Variants in NTM observed in about 807,000 individuals in gnomAD.
NTM encodes IgLON family member 2.
A neutral mutation model predicts 42.1 loss-of-function variants in NTM; 13 were observed. The observed-to-expected ratio is 0.31, with a 90% CI of 0.20 to 0.49. The LOEUF (loss-of-function observed/expected upper bound fraction) is 0.49, where lower values mean the gene tolerates loss of function less well. NTM is among the 20% of genes least tolerant of loss of function. NTM has a pLI of 0.99. For synonymous variants in NTM, 187 were observed against 179.2 expected, an observed-to-expected ratio of 1.04 and a Z score of -0.35; for missense variants, 373 against 452.8, an observed-to-expected ratio of 0.82 and a Z score of 1.60.
chr11:131,846,536 A>G (rs2044924181), intron 1 of NTM, among the ~76,000 whole-genome samples: 1 of 152,184 alleles, frequency 6.6e-6, no homozygotes, highest in Non-Finnish European at 1.5e-5. Context: ...ACAGTTTAAC[A>G]GTTAATATTT....
intron 1 of NTM, among the ~76,000 whole-genome samples, chr11:131,667,256 C>T (rs949879551): frequency 9.9e-5 from 15 of 152,168 alleles, no homozygotes; most frequent in Non-Finnish European, 2.1e-4. Context: ...CTCTGCTCTT[C>T]CGTGGGTTGT....
intron 4 of NTM, among the ~76,000 whole-genome samples, chr11:132,268,887 G>C (rs531230129): frequency 1.3e-4 from 20 of 152,086 alleles, no homozygotes; most frequent in Non-Finnish European, 2.8e-4. Flanking sequence ...GGGAAGGTCA[G>C]AGAATGCCAG....
chr11:131,643,198 A>G (rs373274720), intron 1 of NTM, among the ~76,000 whole-genome samples: 60 of 152,338 alleles, frequency 3.9e-4, no homozygotes, highest in African/African-American at 1.3e-3. Context: ...CACTTTAGCA[A>G]AACAAAGCAT....
At chr11:131,575,938 C>T (rs2057889381) in intron 1 of NTM, among the ~76,000 whole-genome samples, 1 of 152,224 alleles carries the variant, frequency 6.6e-6, no homozygotes, top group African/African-American at 2.4e-5. Context: ...TGCAATGCGT[C>T]TTCTAATACC....
intron 1 of NTM, among the ~76,000 whole-genome samples, chr11:131,674,782 C>T (rs1321032132): frequency 6.6e-6 from 1 of 152,160 alleles, no homozygotes; most frequent in African/African-American, 2.4e-5. Context: ...GACAGAAAAA[C>T]CTTCCCCGCG....
At chr11:131,521,854 C>G (rs190685173) in intron 1 of NTM, among the ~76,000 whole-genome samples, 133 of 152,148 alleles carry the variant, frequency 8.7e-4, no homozygotes, top group Non-Finnish European at 4.4e-5. Flanking sequence ...TAATTAAGAC[C>G]CCCTGTTTCC....
chr11:131,452,398 G>T (rs1290742356), intron 1 of NTM, among the ~76,000 whole-genome samples: 1 of 152,186 alleles, frequency 6.6e-6, no homozygotes, highest in Admixed American at 6.5e-5. Flanking sequence ...CTTGGGAAAA[G>T]ACATTTCCCG....
At chr11:131,861,825 C>T (rs2046665624) in intron 1 of NTM, among the ~76,000 whole-genome samples, 1 of 152,172 alleles carries the variant, frequency 6.6e-6, no homozygotes, top group Admixed American at 6.5e-5. Context: ...AGAACATTGT[C>T]ATAGGCAGTG....
At chr11:131,792,158 C>T (rs1280302058) in intron 1 of NTM, among the ~76,000 whole-genome samples, 1 of 152,096 alleles carries the variant, frequency 6.6e-6, no homozygotes, top group African/African-American at 2.4e-5. Context: ...CCATACCCAG[C>T]ATATCCTAGC....
At chr11:131,801,596 G>T (rs2092115370) in intron 1 of NTM, among the ~76,000 whole-genome samples, 1 of 151,876 alleles carries the variant, frequency 6.6e-6, no homozygotes, top group Non-Finnish European at 1.5e-5. Context: ...AGCACCTTTT[G>T]TTTATATCTT....
intron 1 of NTM, among the ~76,000 whole-genome samples, chr11:131,643,632 C>T (rs1279361871): frequency 6.6e-6 from 1 of 152,160 alleles, no homozygotes. Flanking sequence ...AGTGCAGGAC[C>T]CCTAGTCCTA....
chr11:131,741,440 T>C (rs2081194702), intron 1 of NTM, among the ~76,000 whole-genome samples: 1 of 152,176 alleles, frequency 6.6e-6, no homozygotes, highest in Non-Finnish European at 1.5e-5. Context: ...ATGCGCTCTG[T>C]TTTCTCAGAT....
chr11:131,724,971 G>A (rs1316504269), intron 1 of NTM, among the ~76,000 whole-genome samples: 2 of 152,194 alleles, frequency 1.3e-5, no homozygotes, highest in Non-Finnish European at 2.9e-5. Context: ...CAGGAGCCAT[G>A]GGGTAGGTTT....
chr11:131,885,546 G>T (rs1162708533), intron 1 of NTM, among the ~76,000 whole-genome samples: 1 of 152,224 alleles, frequency 6.6e-6, no homozygotes, highest in East Asian at 1.9e-4. Context: ...CTCAGGGGCT[G>T]AGCAGCAGAA....
intron 2 of NTM, among the ~76,000 whole-genome samples, chr11:132,135,377 A>G (rs2067692939): frequency 6.6e-6 from 1 of 152,158 alleles, no homozygotes; most frequent in Admixed American, 6.5e-5. Context: ...TCTGATCACA[A>G]AGCATTTGTG....
At chr11:131,650,865 T>C (rs2066397659) in intron 1 of NTM, among the ~76,000 whole-genome samples, 1 of 152,224 alleles carries the variant, frequency 6.6e-6, no homozygotes, top group Admixed American at 6.5e-5. Flanking sequence ...AAATGAGTCA[T>C]TGTTTGGAGA....
chr11:131,457,690 CAT>C (rs1951018330), intron 1 of NTM, among the ~76,000 whole-genome samples: 2 of 152,106 alleles, frequency 1.3e-5, no homozygotes, highest in Admixed American at 1.3e-4. Flanking sequence ...ATTTTGGAAT[CAT>C]ATGTGCAATG....
intron 2 of NTM, among the ~76,000 whole-genome samples, chr11:131,930,295 G>A (rs1008273720): frequency 6.6e-6 from 1 of 152,170 alleles, no homozygotes; most frequent in African/African-American, 2.4e-5. Flanking sequence ...TGAGCAGGTG[G>A]GCAGAGGAAG....
intron 1 of NTM, among the ~76,000 whole-genome samples, chr11:131,844,670 T>C (rs2044698282): frequency 6.6e-6 from 1 of 152,210 alleles, no homozygotes; most frequent in East Asian, 1.9e-4. Flanking sequence ...TAATTTTTGC[T>C]GGAAATCTCT....
Sources: allele counts gnomAD v4.1 joint callset (sites outside exome capture counted in the v4.1 genomes callset), GRCh38; gene constraint gnomAD v4.1.1; transcripts MANE v1.5; gene names NCBI Gene and HGNC (gene_info 2026-07-23, HGNC 2026-07-21).